The following CEP128 variants were observed in gnomAD, a reference collection of about 807,000 sequenced individuals.
CEP128 encodes centrosomal protein 128kDa.
Under a neutral mutation model 156.7 loss-of-function variants are expected in CEP128, and 132 were observed. The ratio of observed to expected loss-of-function variants is 0.84; its 90% CI spans 0.73 to 0.97. The LOEUF (loss-of-function observed/expected upper bound fraction) is 0.97, where lower values mean the gene tolerates loss of function less well. CEP128 is among the 50% of genes least tolerant of loss of function. The pLI is 0.00. For synonymous variants in CEP128, 469 were observed against 448.9 expected, an observed-to-expected ratio of 1.04 and a Z score of -0.57; for missense variants, 1,252 against 1,281.9, an observed-to-expected ratio of 0.98 and a Z score of 0.36.
chr14:80,940,090 T>A (rs1886061217), intron 1 of CEP128, among the ~76,000 whole-genome samples: 1 of 152,020 alleles, frequency 6.6e-6, no homozygotes, highest in Non-Finnish European at 1.5e-5. Context: ...TCTGTAAGAA[T>A]CCACAGGAAG....
intron 19 of CEP128, among the ~76,000 whole-genome samples, chr14:80,721,634 A>T (rs1449406150): frequency 6.6e-6 from 1 of 152,140 alleles, no homozygotes; most frequent in Non-Finnish European, 1.5e-5. Flanking sequence ...AAAACTATAC[A>T]TGTAGCTCAT....
chr14:80,712,238 A>G lies in CEP128; in HGVS notation c.2806+30837T>C, dbSNP rs533299046. On this transcript the variant is annotated intron_variant, in intron 19 of 24. Transcript: ENST00000555265. ...ACATTCATTCTCTAAAGAGTTCTGTACTGGAGCTTCTTAATCATTTCAATT... is the reference window on the plus strand; with the variant it reads ...ACATTCATTCTCTAAAGAGTTCTGTGCTGGAGCTTCTTAATCATTTCAATT... Among the ~76,000 whole-genome samples, 63 of 152,302 alleles carry G rather than the reference A, an allele frequency of 4.1e-4. 1 individual carries two copies. The highest frequency in any genetic ancestry group is 6.5e-4 in the Non-Finnish European group (44 of 68,030).
chr14:80,782,418 A>G (rs998045368), intron 15 of CEP128, among the ~76,000 whole-genome samples: 6 of 152,102 alleles, frequency 3.9e-5, no homozygotes, highest in African/African-American at 1.4e-4. Context: ...TCCTTTGCCC[A>G]CAATCTTTGT....
At chr14:80,763,669 T>C (rs1900082407) in intron 16 of CEP128, among the ~76,000 whole-genome samples, 1 of 152,214 alleles carries the variant, frequency 6.6e-6, no homozygotes, top group South Asian at 2.1e-4. Context: ...ATTATTTGCT[T>C]GTGAACCTAT....
intron 19 of CEP128, among the ~76,000 whole-genome samples, chr14:80,723,921 G>A (rs1321507277): frequency 6.6e-6 from 1 of 152,196 alleles, no homozygotes; most frequent in African/African-American, 2.4e-5. Flanking sequence ...TTAGCAAATA[G>A]TAACTTACGC....
intron 16 of CEP128, among the ~76,000 whole-genome samples, chr14:80,774,366 C>G (rs1900673550): frequency 6.6e-6 from 1 of 152,116 alleles, no homozygotes; most frequent in Non-Finnish European, 1.5e-5. Context: ...AAAAATACCA[C>G]CTTGTTAAGC....
At chr14:80,758,058 A>G (rs1468604205) in intron 17 of CEP128, among the ~76,000 whole-genome samples, 1 of 152,188 alleles carries the variant, frequency 6.6e-6, no homozygotes, top group Non-Finnish European at 1.5e-5. Flanking sequence ...ATACACTTTT[A>G]TTATTCTTTT....
Position 80,561,609 on chromosome 14 carries a change from A to G in CEP128, c.2857-2307T>C, listed in dbSNP as rs549525938. Among the ~76,000 whole-genome samples, 16 of 152,260 alleles carry G rather than the reference A, an allele frequency of 1.1e-4. No individual in the cohort carries two copies. The East Asian group carries it at 2.5e-3, about 24-fold the overall frequency. ...TATTTGGGCCTTAAGTTTTCCCTAT[A>G]CCATGGGTTTGAGGGTTGCTATTAG... On this transcript the variant is annotated intron_variant, in intron 20 of 24. Transcript: ENST00000555265.
chr14:80,644,842 C>A (rs1415062538), intron 19 of CEP128, among the ~76,000 whole-genome samples: 1 of 152,150 alleles, frequency 6.6e-6, no homozygotes, highest in Non-Finnish European at 1.5e-5. Flanking sequence ...ATAGCATACA[C>A]TGCTCATGTT....
chr14:80,729,508 A>G (rs1162568909), intron 19 of CEP128, among the ~76,000 whole-genome samples: 1 of 151,994 alleles, frequency 6.6e-6, no homozygotes, highest in Non-Finnish European at 1.5e-5. Context: ...TTTTTCATAT[A>G]ATTTCATAAT....
At chr14:80,576,232 T>G (rs555620505) in intron 20 of CEP128, among the ~76,000 whole-genome samples, 2 of 152,288 alleles carry the variant, frequency 1.3e-5, no homozygotes, top group South Asian at 4.1e-4. Flanking sequence ...AAAAATGGAT[T>G]ACCTTGTGTG....
intron 10 of CEP128, among the ~76,000 whole-genome samples, chr14:80,840,083 G>A (rs369627861): frequency 9.2e-5 from 14 of 152,056 alleles, no homozygotes; most frequent in Middle Eastern, 3.2e-3. Context: ...GCAATAATAC[G>A]GAGTAAAGAA....
At chr14:80,596,969 G>A (rs1032018010) in intron 19 of CEP128, among the ~76,000 whole-genome samples, 4 of 150,514 alleles carry the variant, frequency 2.7e-5, no homozygotes, top group African/African-American at 9.8e-5. Context: ...TTGAAAAGAG[G>A]AAAAGTCTCA....
At chr14:80,870,122 A>G (rs1887954500) in intron 8 of CEP128, among the ~76,000 whole-genome samples, 2 of 152,154 alleles carry the variant, frequency 1.3e-5, no homozygotes, top group South Asian at 4.1e-4. Flanking sequence ...CTCCCAACAA[A>G]GAAAAGCCCA....
intron 13 of CEP128, among the ~76,000 whole-genome samples, chr14:80,795,530 A>T (rs1883411855): frequency 6.6e-6 from 1 of 152,198 alleles, no homozygotes; most frequent in African/African-American, 2.4e-5. Context: ...GGTGAACTTA[A>T]AAAGTTCCTA....
intron 19 of CEP128, among the ~76,000 whole-genome samples, chr14:80,681,308 GAGAA>G (rs762887337): frequency 3.3e-5 from 5 of 152,198 alleles, no homozygotes; most frequent in Non-Finnish European, 5.9e-5. Context: ...ATCTCCAGAT[GAGAA>G]AGAACCAGTG....
At chr14:80,780,819 T>C (rs1901067847) in intron 15 of CEP128, among the ~76,000 whole-genome samples, 1 of 152,204 alleles carries the variant, frequency 6.6e-6, no homozygotes, top group Non-Finnish European at 1.5e-5. Context: ...GTCTGGAACA[T>C]TATGCTAGAC....
At chr14:80,691,331 T>TG (rs898063212) in intron 19 of CEP128, among the ~76,000 whole-genome samples, 1 of 152,172 alleles carries the variant, frequency 6.6e-6, no homozygotes, top group Non-Finnish European at 1.5e-5. Context: ...GATGTGGTGA[T>TG]GGGGGGATGG....
intron 19 of CEP128, among the ~76,000 whole-genome samples, chr14:80,650,189 GAGTTCA>G (rs2140845028): frequency 6.6e-6 from 1 of 152,238 alleles, no homozygotes; most frequent in Non-Finnish European, 1.5e-5. Flanking sequence ...TTGTGAATGG[GAGTTCA>G]CTCATGATCT....
Sources: gnomAD v4.1 joint callset for allele counts (sites outside exome capture counted in the v4.1 genomes callset) on GRCh38, gnomAD v4.1.1 for gene constraint, MANE v1.5 for transcripts, NCBI Gene and HGNC (gene_info 2026-07-23, HGNC 2026-07-21) for gene names.